The following DRC11L variants were observed in gnomAD, a reference collection of about 807,000 sequenced individuals.
DRC11L encodes the protein dynein regulatory complex subunit 11 like, also known as dynein regulatory complex subunit like-11.
chr7:151,197,040 C>T, the DRC11L span: 11 of 399,650 alleles, frequency 2.8e-5, no homozygotes, highest in East Asian at 2.1e-4. Flanking sequence ...ACTTGCAACA[C>T]CGCATCCACT....
chr7:151,202,773 C>T, the DRC11L span: 1 of 397,318 alleles, frequency 2.5e-6, no homozygotes, highest in Non-Finnish European at 4.4e-6. Context: ...ATCGCTTGAA[C>T]CCAGGACACA....
the DRC11L span, among the ~76,000 whole-genome samples, chr7:151,193,752 C>T: frequency 9.2e-5 from 14 of 152,198 alleles, 1 homozygote; most frequent in East Asian, 1.7e-3. Context: ...CTGCTACCCC[C>T]ACTAATGCCC....
the DRC11L span, among the ~76,000 whole-genome samples, chr7:151,193,710 T>C: frequency 6.6e-6 from 1 of 151,878 alleles, no homozygotes; most frequent in Non-Finnish European, 1.5e-5. Context: ...GAGTCTCCAG[T>C]ATGAGGAGTT....
chr7:151,198,057 G>C, the DRC11L span, among the ~76,000 whole-genome samples: 1 of 152,074 alleles, frequency 6.6e-6, no homozygotes, highest in Non-Finnish European at 1.5e-5. Flanking sequence ...AGGGTGAGTG[G>C]GTAGATGGGC....
At chr7:151,204,781 G>A in the DRC11L span, 2 of 399,142 alleles carry the variant, frequency 5.0e-6, no homozygotes, top group Non-Finnish European at 8.8e-6. Flanking sequence ...AGCTGCTCTT[G>A]GTCCAGCAGC....
chr7:151,203,252 A>G, the DRC11L span: 2 of 398,124 alleles, frequency 5.0e-6, no homozygotes, highest in African/African-American at 4.1e-5. Context: ...GAGGGTTACC[A>G]TCAGCAGAAG....
chr7:151,196,185 C>T, the DRC11L span, among the ~76,000 whole-genome samples: 2 of 152,172 alleles, frequency 1.3e-5, no homozygotes, highest in Non-Finnish European at 2.9e-5. Context: ...CCTCCACACC[C>T]CTGCTGCATT....
At chr7:151,203,034 C>T in the DRC11L span, 2 of 399,650 alleles carry the variant, frequency 5.0e-6, no homozygotes, top group Non-Finnish European at 8.8e-6. Flanking sequence ...GCCGGCCTTG[C>T]CTCGCCCGCT....
the DRC11L span, among the ~76,000 whole-genome samples, chr7:151,193,944 T>G: frequency 6.6e-6 from 1 of 151,090 alleles, no homozygotes; most frequent in Non-Finnish European, 1.5e-5. Context: ...GATAAATCAC[T>G]TCAGAAAGCT....
the DRC11L span, chr7:151,197,335 C>A: frequency 1.0e-5 from 4 of 399,042 alleles, no homozygotes; most frequent in South Asian, 2.5e-4. Context: ...CACCTGTGAC[C>A]AATGACCCAA....
the DRC11L span, chr7:151,191,685 G>A: frequency 2.5e-6 from 1 of 399,284 alleles, no homozygotes; most frequent in Non-Finnish European, 4.4e-6. Context: ...AGCTTCACCA[G>A]TTGTCCCAGG....
chr7:151,192,689 T>C, the DRC11L span: 296,733 of 398,542 alleles, frequency 0.74, 111,028 homozygotes, highest in African/African-American at 0.79. Flanking sequence ...CCTTCCAGCT[T>C]AGCCCCAGCT....
chr7:151,195,065 G>A, the DRC11L span, among the ~76,000 whole-genome samples: 1 of 152,172 alleles, frequency 6.6e-6, no homozygotes, highest in Non-Finnish European at 1.5e-5. Flanking sequence ...CCACTGACAA[G>A]TCCCTTAATG....
chr7:151,198,371 C>A, the DRC11L span, among the ~76,000 whole-genome samples: 3 of 147,064 alleles, frequency 2.0e-5, no homozygotes, highest in Non-Finnish European at 4.5e-5. Flanking sequence ...GTTGGGTAGA[C>A]GGGTGAGTGG....
the DRC11L span, chr7:151,192,396 C>T: frequency 2.3e-5 from 9 of 399,308 alleles, no homozygotes; most frequent in African/African-American, 8.2e-5. Flanking sequence ...ACACGGTCTC[C>T]GGGAGTCAGC....
chr7:151,195,632 C>T, the DRC11L span: 25 of 399,660 alleles, frequency 6.3e-5, no homozygotes, highest in Admixed American at 4.4e-5. Flanking sequence ...GGAGCTTCCT[C>T]AGCTCCTGAC....
chr7:151,192,430 C>G, the DRC11L span: 1 of 399,444 alleles, frequency 2.5e-6, no homozygotes, highest in East Asian at 3.6e-5. Context: ...TGGTGAGGTC[C>G]TTCTTTATCC....
chr7:151,197,306 G>T, the DRC11L span: 1 of 398,776 alleles, frequency 2.5e-6, no homozygotes. Flanking sequence ...TCTTGCATCT[G>T]CATTTCCAGT....
At chr7:151,190,937 C>T in the DRC11L span, 1 of 399,574 alleles carries the variant, frequency 2.5e-6, no homozygotes, top group Non-Finnish European at 4.4e-6. Context: ...GGCCACTGCC[C>T]TGTCCCACGC....
Sources: allele counts gnomAD v4.1 joint callset (sites outside exome capture counted in the v4.1 genomes callset), GRCh38; gene constraint gnomAD v4.1.1; transcripts MANE v1.5; gene names NCBI Gene and HGNC (gene_info 2026-07-23, HGNC 2026-07-21).